PHACTR2: variants seen among roughly 807,000 people sequenced by gnomAD.
PHACTR2 encodes the protein phosphatase and actin regulator 2.
PHACTR2 carries 30 observed loss-of-function variants against 76.0 expected under a neutral mutation model. That is an observed-to-expected ratio of 0.39 (90% CI 0.30 to 0.54). PHACTR2 has a LOEUF of 0.54. Ranked by LOEUF, PHACTR2 falls within the 20% of genes least tolerant of loss-of-function variation. The pLI, the probability that PHACTR2 is intolerant of heterozygous loss-of-function variation, is 0.61. For synonymous variants in PHACTR2, 292 were observed against 292.5 expected (o/e 1.00, Z 0.02); for missense variants, 696 against 781.1 (o/e 0.89, Z 1.30).
At position 143,823,910 on chromosome 6, in the gene PHACTR2, A is replaced by G; in HGVS notation, c.*221A>G. The G allele has an allele frequency of 2.1e-6, 1 of 468,048 alleles. No individual in the cohort carries two copies. Among genetic ancestry groups the G allele is most frequent in the Non-Finnish European group, 3.9e-6 (1 of 256,616 alleles). The allele number at this position is 468,048 out of a possible 1,614,324, so 29.0% of individuals were successfully genotyped here. On this transcript the variant is annotated 3_prime_UTR_variant, in exon 13 of 13. Transcript: ENST00000440869. The surrounding 1 kb of genome is among the most constrained non-coding windows in gnomAD (Gnocchi z 5.7). Reference sequence around the variant, plus strand: ...GGATGCAGTGACTCTTGCTGCCCAGAATGCACAGCGATGGTAAGAGACACC... The same window carrying G: ...GGATGCAGTGACTCTTGCTGCCCAGGATGCACAGCGATGGTAAGAGACACC...
At position 143,738,902 on chromosome 6, in the gene PHACTR2, A is replaced by G. The variant is rs915710183; in HGVS notation, c.215-10083A>G. Among the ~76,000 whole-genome samples the G allele has an allele frequency of 6.6e-6, 1 of 152,184 alleles. No homozygotes were observed. The highest frequency in any genetic ancestry group is 1.5e-5 in the Non-Finnish European group (1 of 68,042). ...TGAGATATTATCCCATCTTGATCAA[A>G]GGTGTTGAGTCCCTGAAATGTGTAG... On this transcript the variant is annotated intron_variant, in intron 2 of 12. Transcript: ENST00000440869. This position sits in a 1 kb window ranked among gnomAD's most constrained non-coding sequence, Gnocchi z 4.0.
intron 1 of PHACTR2, among the ~76,000 whole-genome samples, chr6:143,594,172 C>G (rs939385687): frequency 1.1e-4 from 17 of 152,146 alleles, no homozygotes; most frequent in African/African-American, 4.1e-4. Context: ...ATAAAATTAC[C>G]ATCAGGCTAC....
intron 1 of PHACTR2, among the ~76,000 whole-genome samples, chr6:143,660,108 G>A (rs368410975): frequency 4.6e-5 from 7 of 152,068 alleles, no homozygotes; most frequent in South Asian, 2.1e-4. Flanking sequence ...CTACTGGTAG[G>A]CCTAGCAGTA....
rs1046207249 is a variant in PHACTR2 at position 143,671,308 on chromosome 6, G to A, written c.14-40708G>A. Among the ~76,000 whole-genome samples the A allele has an allele frequency of 6.6e-6, 1 of 152,030 alleles. No homozygotes were observed. Among genetic ancestry groups the A allele is most frequent in the African/African-American group, 2.4e-5 (1 of 41,378 alleles). On this transcript the variant is annotated intron_variant, in intron 1 of 11. Coordinates refer to the PHACTR2 transcript ENST00000305766. This position sits in a 1 kb window ranked among gnomAD's most constrained non-coding sequence, Gnocchi z 4.6. Reference sequence around the variant, plus strand: ...CTCATCTTTACCTCTCTTATTCTATGTACTCCAACCACACCATTTCCCCTG... The same window carrying A: ...CTCATCTTTACCTCTCTTATTCTATATACTCCAACCACACCATTTCCCCTG...
chr6:143,795,138 G>A lies in PHACTR2; in HGVS notation c.1845+6228G>A, dbSNP rs1775798230. ...TTTAAAATAAAATTTTCAGGTCGGG[G>A]CACAATGACTCACACTTGTAATGTT... On this transcript the variant is annotated intron_variant, in intron 11 of 12. Coordinates refer to ENST00000440869, the MANE Select transcript of PHACTR2 (RefSeq NM_001100164.2). This position sits in a 1 kb window ranked among gnomAD's most constrained non-coding sequence, Gnocchi z 4.8. Among the ~76,000 whole-genome samples the A allele has an allele frequency of 6.6e-6, 1 of 152,112 alleles. No individual in the cohort carries two copies. Among genetic ancestry groups the A allele is most frequent in the Non-Finnish European group, 1.5e-5 (1 of 68,024 alleles).
At chr6:143,584,778 T>C (rs1016284911) in intron 1 of PHACTR2, among the ~76,000 whole-genome samples, 2 of 152,020 alleles carry the variant, frequency 1.3e-5, no homozygotes, top group Admixed American at 1.3e-4. Flanking sequence ...GAGGGACAAG[T>C]ATAGGGTTAG....
In PHACTR2 at chr6:143,725,750, C is replaced by T. The variant is rs145212568; in HGVS notation, c.214+13567C>T. ...CTGAGGCAGGACAATCACTTGAACCCGGGAGGCAGAGCTTGCAGTGAGCCG... is the reference window on the plus strand; with the variant it reads ...CTGAGGCAGGACAATCACTTGAACCTGGGAGGCAGAGCTTGCAGTGAGCCG... On this transcript the variant is annotated intron_variant, in intron 2 of 12. Coordinates refer to ENST00000440869, the MANE Select transcript of PHACTR2 (RefSeq NM_001100164.2). Among the ~76,000 whole-genome samples, 491 of 151,060 alleles carry T rather than the reference C, an allele frequency of 3.3e-3. 10 individuals carry two copies. The East Asian group carries it at 0.053, about 16-fold the overall frequency.
At chr6:143,643,097 T>A (rs964512598) in intron 1 of PHACTR2, among the ~76,000 whole-genome samples, 1 of 152,244 alleles carries the variant, frequency 6.6e-6, no homozygotes, top group African/African-American at 2.4e-5. Context: ...AAAAAGATTT[T>A]ATAGTGCATA....
rs1299526756 is a variant in PHACTR2, at chr6:143,550,015, T to C, written c.217+12808T>C. Among the ~76,000 whole-genome samples, 2 of 151,988 alleles carry C rather than the reference T, an allele frequency of 1.3e-5. No individual in the cohort carries two copies. Among genetic ancestry groups the C allele is most frequent in the Non-Finnish European group, 2.9e-5 (2 of 67,966 alleles). On this transcript the variant is annotated intron_variant, in intron 1 of 11. Coordinates refer to the PHACTR2 transcript ENST00000367584. The surrounding 1 kb of genome is among the most constrained non-coding windows in gnomAD (Gnocchi z 4.8). ...CCAGAAAGTGCCAAGGCTACCATTT[T>C]TTGCTAGGTGGGAGTTGGAGTGATA...
Position 143,654,622 on chromosome 6 carries a change from T to C in PHACTR2, c.13+46300T>C, listed in dbSNP as rs1776817990. Among the ~76,000 whole-genome samples, 1 of 151,526 alleles carries C rather than the reference T, an allele frequency of 6.6e-6. No individual in the cohort carries two copies. On this transcript the variant is annotated intron_variant, in intron 1 of 11. Coordinates refer to the PHACTR2 transcript ENST00000305766. The surrounding 1 kb of genome is among the most constrained non-coding windows in gnomAD (Gnocchi z 4.6). Reference sequence around the variant, plus strand: ...GAGTTCAAGACCAGCCTGAGCAACATAGCAAGACTCCATCTCTACAAAAAG... The same window carrying C: ...GAGTTCAAGACCAGCCTGAGCAACACAGCAAGACTCCATCTCTACAAAAAG...
chr6:143,605,656 C>T (rs960132553), upstream of PHACTR2, among the ~76,000 whole-genome samples: 2 of 152,116 alleles, frequency 1.3e-5, no homozygotes, highest in African/African-American at 4.8e-5. This position sits in a 1 kb window ranked among gnomAD's most constrained non-coding sequence, Gnocchi z 5.0. Flanking sequence ...TTATAATGGA[C>T]ACTCAACATT....
At chr6:143,555,827 T>C (rs1451585679) in intron 1 of PHACTR2, among the ~76,000 whole-genome samples, 2 of 152,062 alleles carry the variant, frequency 1.3e-5, no homozygotes, top group African/African-American at 4.8e-5. Flanking sequence ...CCACCTCCAT[T>C]TGCAGATAAA....
intron 2 of PHACTR2, among the ~76,000 whole-genome samples, chr6:143,712,496 A>T (rs946908813): frequency 1.3e-5 from 2 of 151,144 alleles, no homozygotes; most frequent in African/African-American, 4.9e-5. Context: ...ATTCATCAAC[A>T]TTGTGATGAC....
chr6:143,564,163 G>T (rs1279602394), intron 1 of PHACTR2, among the ~76,000 whole-genome samples: 1 of 110,624 alleles, frequency 9.0e-6, no homozygotes. Context: ...ATATGTGTGT[G>T]TGCATATATG....
chr6:143,666,346 A>G (rs985760329), intron 1 of PHACTR2, among the ~76,000 whole-genome samples: 5 of 152,210 alleles, frequency 3.3e-5, no homozygotes, highest in Non-Finnish European at 7.3e-5. Context: ...ATAAGTGTGC[A>G]TGTGTCTTTA....
rs1381593474 is a variant in PHACTR2, at chr6:143,794,434, C to T, written c.1845+5524C>T. ...GTTTAAAAATGAGTTTTATTTTTAA[C>T]TTTTGAGCTCTATATCCCATTTTTA... On this transcript the variant is annotated intron_variant, in intron 11 of 12. Transcript: ENST00000440869. The surrounding 1 kb of genome is among the most constrained non-coding windows in gnomAD (Gnocchi z 4.1). Among the ~76,000 whole-genome samples, 1 of 151,786 alleles carries T rather than the reference C, an allele frequency of 6.6e-6. No homozygotes were observed. Among genetic ancestry groups the T allele is most frequent in the Admixed American group, 6.6e-5 (1 of 15,212 alleles).
At position 143,800,585 on chromosome 6, in the gene PHACTR2, G is replaced by A. The variant is rs566822075; in HGVS notation, c.1846-6472G>A. 2.0e-5 allele frequency among the ~76,000 whole-genome samples: 3 copies of A among 152,272 alleles called. 1 individual carries two copies. In the East Asian group the frequency reaches 5.8e-4, roughly 29 times the overall value. Reference sequence around the variant, plus strand: ...CCATCCCTTTATTTTGAGCCTATGTGTGTCTTTGCATGTGAGATGGGTCTC... The same window carrying A: ...CCATCCCTTTATTTTGAGCCTATGTATGTCTTTGCATGTGAGATGGGTCTC... On this transcript the variant is annotated intron_variant, in intron 11 of 12. Coordinates refer to ENST00000440869, the MANE Select transcript of PHACTR2 (RefSeq NM_001100164.2). The surrounding 1 kb of genome is among the most constrained non-coding windows in gnomAD (Gnocchi z 4.8).
At chr6:143,587,736 G>A (rs573631886) in intron 1 of PHACTR2, among the ~76,000 whole-genome samples, 10 of 152,180 alleles carry the variant, frequency 6.6e-5, no homozygotes, top group South Asian at 2.1e-4. Flanking sequence ...AATATTGGCC[G>A]GGCGCAGTGG....
At chr6:143,566,556 G>A (rs1775365870) in intron 1 of PHACTR2, among the ~76,000 whole-genome samples, 1 of 151,968 alleles carries the variant, frequency 6.6e-6, no homozygotes, top group Admixed American at 6.6e-5. Context: ...CTCCTACCTT[G>A]GCTTTCCAAA....
Sources: allele counts gnomAD v4.1 joint callset (sites outside exome capture counted in the v4.1 genomes callset), GRCh38; gene constraint gnomAD v4.1.1; non-coding constraint Gnocchi (gnomAD v3.1); transcripts MANE v1.5; gene names NCBI Gene and HGNC (gene_info 2026-07-23, HGNC 2026-07-21).